The following IMPG2 variants were observed in gnomAD, a reference collection of about 807,000 sequenced individuals.
IMPG2 encodes the protein IPM 200.
IMPG2 carries 91 observed loss-of-function variants against 129.2 expected under a neutral mutation model. That is an observed-to-expected ratio of 0.70 (90% CI 0.59 to 0.84). The LOEUF is 0.84. Among genes scored for constraint, IMPG2 ranks in the 40% least tolerant of loss-of-function variants. The pLI is 0.00. For missense variants in IMPG2, 1,430 were observed against 1,461.7 expected (o/e 0.98, Z 0.35); for synonymous variants, 510 against 517.7 (o/e 0.99, Z 0.20).
intron 3 of IMPG2, among the ~76,000 whole-genome samples, chr3:101,298,226 C>CT (rs911248905): frequency 9.4e-5 from 14 of 148,898 alleles, no homozygotes; most frequent in Admixed American, 2.0e-4. Context: ...GCAACCCCTG[C>CT]TTTTTTTTTT....
intron 15 of IMPG2, 103 bp from the exon 16 acceptor site, chr3:101,231,248 T>C: frequency 1.9e-6 from 2 of 1,076,484 alleles, no homozygotes; most frequent in Non-Finnish European, 2.9e-6. Flanking sequence ...GAGAAATAAA[T>C]GCTGACCACG....
At chr3:101,256,193 GAAAGAAAGAAAGAA>G (rs1553682308) in intron 10 of IMPG2, among the ~76,000 whole-genome samples, 1 of 148,188 alleles carries the variant, frequency 6.7e-6, no homozygotes, top group Non-Finnish European at 1.5e-5. Context: ...AAGAAAGAAA[GAAAGAAAGAAAGAA>G]AGAAAGAAAG....
At chr3:101,287,694 A>AT (rs1559654101) in intron 4 of IMPG2, among the ~76,000 whole-genome samples, 1 of 152,204 alleles carries the variant, frequency 6.6e-6, no homozygotes, top group Non-Finnish European at 1.5e-5. Context: ...CATATGTAGA[A>AT]TAAAAAAAAC....
chr3:101,244,160 A>G lies in IMPG2; in HGVS notation c.2171T>C (p.Leu724Pro), dbSNP rs1706445038. Residue 724 changes from leucine to proline, a missense_variant, in exon 13 of 19, where the codon CTG becomes CCG. Coordinates refer to ENST00000193391, the MANE Select transcript of IMPG2 (RefSeq NM_016247.4). ...AGAGGCAGAGATTGCTACAGATGTC[A>G]GTATAAGAGGTGCTTTGGTAACTGA... ...DYSVTKAPLI[L>P]TSVAISASTD... is the part of the protein sequence containing the mutation. 1 of 1,614,000 alleles carries G rather than the reference A, an allele frequency of 6.2e-7. No individual in the cohort carries two copies. Among genetic ancestry groups the G allele is most frequent in the Non-Finnish European group, 8.5e-7 (1 of 1,180,022 alleles).
chr3:101,242,142 T>G (rs192499080), intron 14 of IMPG2, among the ~76,000 whole-genome samples: 196 of 152,158 alleles, frequency 1.3e-3, no homozygotes, highest in African/African-American at 4.6e-3. Context: ...TAGATTTAGC[T>G]GGAGAGTGGT....
At chr3:101,281,648 A>T (rs985351139) in intron 4 of IMPG2, among the ~76,000 whole-genome samples, 9 of 152,324 alleles carry the variant, frequency 5.9e-5, no homozygotes, top group African/African-American at 2.2e-4. Context: ...AGAGAGGGGA[A>T]TTAAGGTTGC....
At chr3:101,302,459 T>C (rs935596724) in intron 3 of IMPG2, among the ~76,000 whole-genome samples, 3 of 152,150 alleles carry the variant, frequency 2.0e-5, no homozygotes, top group African/African-American at 7.2e-5. Context: ...ATTTGTAAAA[T>C]TGGTAATGAT....
chr3:101,223,250 G>C lies in IMPG2; in HGVS notation c.*3719C>G, dbSNP rs1450327241. 1 of 152,160 alleles carries C rather than the reference G, an allele frequency of 6.6e-6. No homozygotes were observed. The highest frequency in any genetic ancestry group is 1.5e-5 in the Non-Finnish European group (1 of 68,036). The allele number at this position is 152,160 out of a possible 1,614,324, so 9.4% of individuals were successfully genotyped here. ...AATTGGGAGAATAAGCTAGGATCTT[G>C]ACTCACTGCAGCTGGATTGTAAATG... is the stretch of plus-strand genomic sequence containing the variant. On this transcript the variant is annotated 3_prime_UTR_variant, in exon 19 of 19. Transcript: ENST00000193391.
At chr3:101,251,469 G>C (rs1404899397) in intron 11 of IMPG2, among the ~76,000 whole-genome samples, 2 of 152,116 alleles carry the variant, frequency 1.3e-5, no homozygotes, top group Non-Finnish European at 2.9e-5. Context: ...GCCAGGAATA[G>C]CCCTTCATTA....
intron 9 of IMPG2, among the ~76,000 whole-genome samples, chr3:101,260,164 G>C: frequency 6.6e-6 from 1 of 152,196 alleles, no homozygotes; most frequent in East Asian, 1.9e-4. Context: ...TAAGGAAGCA[G>C]CCAGGCCTCT....
intron 14 of IMPG2, 39 bp from the exon 15 acceptor site, chr3:101,233,030 A>G: frequency 6.3e-7 from 1 of 1,578,642 alleles, no homozygotes; most frequent in Non-Finnish European, 8.7e-7. Flanking sequence ...GAAAAGGCAA[A>G]ACACAGAAAC....
At chr3:101,249,039 C>G (rs1356310077) in intron 11 of IMPG2, among the ~76,000 whole-genome samples, 1 of 152,202 alleles carries the variant, frequency 6.6e-6, no homozygotes, top group Non-Finnish European at 1.5e-5. Context: ...CCTCAATACT[C>G]TGTGTCTAGC....
At chr3:101,252,312 C>T (rs1250439019) in intron 11 of IMPG2, among the ~76,000 whole-genome samples, 1 of 152,104 alleles carries the variant, frequency 6.6e-6, no homozygotes, top group Non-Finnish European at 1.5e-5. Context: ...AGCTAGTCTC[C>T]AGTTTGCAGC....
At chr3:101,289,960 C>T (rs1706987225) in intron 4 of IMPG2, among the ~76,000 whole-genome samples, 1 of 149,956 alleles carries the variant, frequency 6.7e-6, no homozygotes, top group African/African-American at 2.5e-5. Context: ...GATGATAATG[C>T]CATTCATTCA....
At chr3:101,249,477 A>G (rs752590607) in intron 11 of IMPG2, among the ~76,000 whole-genome samples, 15 of 152,312 alleles carry the variant, frequency 9.8e-5, no homozygotes, top group Admixed American at 9.8e-4. Flanking sequence ...TTAGCCAGAA[A>G]ATAAAAATCT....
chr3:101,275,938 C>T (rs933418523), intron 5 of IMPG2, among the ~76,000 whole-genome samples, 193 bp from the exon 6 acceptor site: 1 of 152,088 alleles, frequency 6.6e-6, no homozygotes, highest in Admixed American at 6.5e-5. Flanking sequence ...AATTGTGGTA[C>T]GTTCAACAAG....
intron 11 of IMPG2, among the ~76,000 whole-genome samples, chr3:101,249,794 CAAAA>C (rs11393591): frequency 3.2e-5 from 3 of 92,752 alleles, no homozygotes; most frequent in Admixed American, 1.2e-4. Context: ...TGATTCATGT[CAAAA>C]AAAAAAAAAA....
intron 6 of IMPG2, among the ~76,000 whole-genome samples, chr3:101,274,776 G>T (rs117003172): frequency 6.6e-6 from 1 of 152,162 alleles, no homozygotes; most frequent in African/African-American, 2.4e-5. Flanking sequence ...GTTCAGAGCT[G>T]CAGTATCACT....
At position 101,293,978 on chromosome 3, in the gene IMPG2, C is replaced by T. The variant is rs1295901594; in HGVS notation, c.502-2468G>A. Among the ~76,000 whole-genome samples, 5 of 152,268 alleles carry T rather than the reference C, an allele frequency of 3.3e-5. No homozygotes were observed. In the East Asian group the frequency reaches 9.7e-4, roughly 29 times the overall value. On this transcript the variant is annotated intron_variant, in intron 3 of 18. Transcript: ENST00000193391. ...TTATGGCTGGTTTGATCTTCCACTC[C>T]GACCACTAAAACTTTCTCCATATCA...
Sources: gnomAD v4.1 joint callset for allele counts (sites outside exome capture counted in the v4.1 genomes callset) on GRCh38, gnomAD v4.1.1 for gene constraint, MANE v1.5 for transcripts, NCBI Gene and HGNC (gene_info 2026-07-23, HGNC 2026-07-21) for gene names.